Variants in SHOC1 observed in about 807,000 individuals in gnomAD.
SHOC1 encodes the protein protein shortage in chiasmata 1 ortholog.
Under a neutral mutation model 179.2 loss-of-function variants are expected in SHOC1, and 136 were observed. The ratio of observed to expected loss-of-function variants is 0.76; its 90% CI spans 0.66 to 0.87. The LOEUF is 0.87. Ranked by LOEUF, SHOC1 falls within the 40% of genes least tolerant of loss-of-function variation. The probability of loss-of-function intolerance (pLI) is 0.00; values close to 1 mark genes in which losing one functional copy is unlikely to be tolerated. For missense variants in SHOC1, 1,538 were observed against 1,700.8 expected, an observed-to-expected ratio of 0.90 and a Z score of 1.68; for synonymous variants, 489 against 586.6, an observed-to-expected ratio of 0.83 and a Z score of 2.41.
intron 8 of SHOC1, among the ~76,000 whole-genome samples, chr9:111,753,844 G>A (rs1297422184): frequency 3.9e-5 from 6 of 152,088 alleles, no homozygotes; most frequent in Non-Finnish European, 7.4e-5. Flanking sequence ...CTAAAAAGCC[G>A]AACTTATAGA....
chr9:111,747,972 A>G, intron 9 of SHOC1, 120 bp downstream of exon 9: 1 of 611,874 alleles, frequency 1.6e-6, no homozygotes, highest in African/African-American at 1.8e-5. Flanking sequence ...ACAGGATTAT[A>G]ACAATCCAAT....
At chr9:111,705,096 T>C (rs1054303487) in intron 21 of SHOC1, 151 bp downstream of exon 21, 14 of 389,208 alleles carry the variant, frequency 3.6e-5, no homozygotes, top group Non-Finnish European at 5.6e-5. Flanking sequence ...TCTTTTGTGA[T>C]ATAATTCCAG....
intron 24 of SHOC1, among the ~76,000 whole-genome samples, chr9:111,696,508 A>T (rs1438954244): frequency 6.6e-6 from 1 of 152,218 alleles, no homozygotes; most frequent in Non-Finnish European, 1.5e-5. Flanking sequence ...TTGCCTCTCA[A>T]TGTCCATTGA....
chr9:111,712,387 A>C (rs13290402), intron 18 of SHOC1, among the ~76,000 whole-genome samples: 1 of 152,132 alleles, frequency 6.6e-6, no homozygotes, highest in Non-Finnish European at 1.5e-5. Flanking sequence ...GCCTCAAAGG[A>C]GGAGGAATAA....
chr9:111,708,947 A>G (rs1208591831), intron 18 of SHOC1, among the ~76,000 whole-genome samples: 2 of 152,250 alleles, frequency 1.3e-5, no homozygotes, highest in Admixed American at 1.3e-4. Context: ...GTAATGGTCA[A>G]TAATTTCATA....
At chr9:111,705,168 T>TACACACAC (rs879050806) in intron 21 of SHOC1, 79 bp downstream of exon 21, 8,344 of 508,872 alleles carry the variant, frequency 0.016, 107 homozygotes, top group East Asian at 0.037. Flanking sequence ...TCAGAATATA[T>TACACACAC]ATACACACAC....
At chr9:111,774,023 T>C (rs1218724266) in intron 5 of SHOC1, among the ~76,000 whole-genome samples, 2 of 152,160 alleles carry the variant, frequency 1.3e-5, no homozygotes, top group Non-Finnish European at 2.9e-5. Context: ...TGAGGAAATA[T>C]AGGATATGGA....
At chr9:111,696,624 T>TA (rs1293131328) in intron 24 of SHOC1, among the ~76,000 whole-genome samples, 1 of 151,084 alleles carries the variant, frequency 6.6e-6, no homozygotes, top group Non-Finnish European at 1.5e-5. Context: ...TCCTAGGCGG[T>TA]ACTCCTATTT....
chr9:111,751,976 C>T (rs1834610958), intron 8 of SHOC1, among the ~76,000 whole-genome samples: 1 of 152,178 alleles, frequency 6.6e-6, no homozygotes, highest in Admixed American at 6.5e-5. Context: ...CTGTAGATAG[C>T]ATTTATAACT....
intron 5 of SHOC1, among the ~76,000 whole-genome samples, chr9:111,762,696 G>T (rs1221675418): frequency 6.6e-6 from 1 of 151,992 alleles, no homozygotes. Flanking sequence ...ATCAAACTAG[G>T]AACAGAAGGA....
chr9:111,783,699 G>T (rs1234615696), intron 3 of SHOC1, among the ~76,000 whole-genome samples: 1 of 152,190 alleles, frequency 6.6e-6, no homozygotes, highest in African/African-American at 2.4e-5. Flanking sequence ...GCTCTAGCTT[G>T]AGAAGCAGGT....
intron 8 of SHOC1, among the ~76,000 whole-genome samples, chr9:111,752,313 A>AT (rs1834630639): frequency 6.6e-6 from 1 of 152,196 alleles, no homozygotes; most frequent in African/African-American, 2.4e-5. Flanking sequence ...AAATCTCTGG[A>AT]TGATCCCTGA....
intron 6 of SHOC1, 24 bp downstream of exon 6, chr9:111,758,671 A>G (rs774179017): frequency 2.6e-6 from 4 of 1,541,784 alleles, no homozygotes; most frequent in African/African-American, 2.8e-5. Flanking sequence ...AAATATTTAC[A>G]GCATTGGTCA....
chr9:111,712,090 A>G (rs530659053), intron 18 of SHOC1, among the ~76,000 whole-genome samples: 1 of 152,374 alleles, frequency 6.6e-6, no homozygotes, highest in East Asian at 1.9e-4. Context: ...AATGTATCAG[A>G]ATTTAAAGTT....
At chr9:111,758,608 A>T (rs933885467) in intron 6 of SHOC1, 87 bp downstream of exon 6, 4 of 1,267,720 alleles carry the variant, frequency 3.2e-6, no homozygotes, top group Admixed American at 2.6e-5. Context: ...AAAAAAAAAC[A>T]TTGTTGATAA....
intron 3 of SHOC1, among the ~76,000 whole-genome samples, chr9:111,782,210 T>A (rs1048162283): frequency 5.3e-5 from 8 of 151,996 alleles, no homozygotes; most frequent in African/African-American, 1.7e-4. Flanking sequence ...AGACTTCATA[T>A]CAAAATAAAA....
chr9:111,724,936 T>G (rs1398096533), intron 13 of SHOC1, among the ~76,000 whole-genome samples: 6 of 148,334 alleles, frequency 4.0e-5, no homozygotes, highest in African/African-American at 7.8e-5. Flanking sequence ...TAAATGTTAG[T>G]TTTTTTTTCT....
At chr9:111,774,554 C>T (rs972378127) in intron 5 of SHOC1, among the ~76,000 whole-genome samples, 2 of 152,254 alleles carry the variant, frequency 1.3e-5, no homozygotes, top group East Asian at 1.9e-4. Context: ...CCACTTTTTA[C>T]GAGTAGACTT....
chr9:111,703,861 T>G lies in SHOC1; in HGVS notation c.2967+20A>C. ...ATATTTTAGTCTATTTTAGTTTATATATTTTCTACCTAGTTTTACCTGCAA... is the reference window on the plus strand; with the variant it reads ...ATATTTTAGTCTATTTTAGTTTATAGATTTTCTACCTAGTTTTACCTGCAA... On this transcript the variant is annotated intron_variant, in intron 22 of 27. Coordinates refer to ENST00000682961, the MANE Select transcript of SHOC1 (RefSeq NM_001378211.1). 7.9e-7 allele frequency: 1 copy of G among 1,260,046 alleles called. No individual in the cohort carries two copies. Among genetic ancestry groups the G allele is most frequent in the Non-Finnish European group, 1.2e-6 (1 of 868,532 alleles). The allele number at this position is 1,260,046 out of a possible 1,614,324, so 78.1% of individuals were successfully genotyped here.
Sources: allele counts gnomAD v4.1 joint callset (sites outside exome capture counted in the v4.1 genomes callset), GRCh38; gene constraint gnomAD v4.1.1; transcripts MANE v1.5; gene names NCBI Gene and HGNC (gene_info 2026-07-23, HGNC 2026-07-21).